NKAIN2: variants seen among roughly 807,000 people sequenced by gnomAD.
NKAIN2 encodes the protein sodium/potassium transporting ATPase interacting 2, also known as sodium/potassium-transporting ATPase subunit beta-1-interacting protein 2.
NKAIN2 carries 14 observed loss-of-function variants against 32.6 expected under a neutral mutation model. The ratio of observed to expected loss-of-function variants is 0.43; its 90% CI spans 0.28 to 0.67. The LOEUF (loss-of-function observed/expected upper bound fraction) is 0.67, where lower values mean the gene tolerates loss of function less well. NKAIN2 is among the 30% of genes least tolerant of loss of function. The probability of loss-of-function intolerance (pLI) is 0.17; values close to 1 mark genes in which losing one functional copy is unlikely to be tolerated. For missense variants in NKAIN2, 198 were observed against 258.3 expected (o/e 0.77, Z 1.60); for synonymous variants, 80 against 87.2 (o/e 0.92, Z 0.46).
At chr6:124,544,210 A>G (rs892126758) in intron 3 of NKAIN2, among the ~76,000 whole-genome samples, 1 of 152,070 alleles carries the variant, frequency 6.6e-6, no homozygotes, top group African/African-American at 2.4e-5. Context: ...CAGGGAGCCA[A>G]TCAGCTCCAA....
intron 3 of NKAIN2, among the ~76,000 whole-genome samples, chr6:124,512,923 G>A (rs772758829): frequency 6.6e-6 from 1 of 151,996 alleles, no homozygotes; most frequent in Non-Finnish European, 1.5e-5. Context: ...AAAATAGCAA[G>A]ACATTATATA....
intron 3 of NKAIN2, among the ~76,000 whole-genome samples, chr6:124,540,178 C>G (rs9320997): frequency 0.063 from 9,653 of 152,166 alleles, 827 homozygotes; most frequent in African/African-American, 0.2. Flanking sequence ...TATAAAGAAA[C>G]CAATTTAAGT....
intron 4 of NKAIN2, among the ~76,000 whole-genome samples, chr6:124,667,406 T>G (rs1308809049): frequency 2.0e-5 from 3 of 152,114 alleles, no homozygotes; most frequent in Non-Finnish European, 2.9e-5. Context: ...AATCATAAAA[T>G]TATTTCAGGA....
chr6:124,072,500 AAAAAG>A (rs1004989164), intron 1 of NKAIN2, among the ~76,000 whole-genome samples: 8 of 152,302 alleles, frequency 5.3e-5, no homozygotes, highest in African/African-American at 1.9e-4. Context: ...ATTAAAAAAT[AAAAAG>A]AAAAGAAATT....
chr6:124,118,932 G>C (rs1252004373), intron 1 of NKAIN2, among the ~76,000 whole-genome samples: 1 of 152,182 alleles, frequency 6.6e-6, no homozygotes, highest in African/African-American at 2.4e-5. Context: ...TAAGCAGTTA[G>C]ATGGTGAGCC....
intron 3 of NKAIN2, among the ~76,000 whole-genome samples, chr6:124,556,025 T>C (rs181403680): frequency 6.7e-6 from 1 of 148,898 alleles, no homozygotes; most frequent in Admixed American, 6.7e-5. Context: ...AAAAGCCACA[T>C]AAAAACTTCT....
intron 2 of NKAIN2, among the ~76,000 whole-genome samples, chr6:124,284,449 T>C (rs1390693439): frequency 6.6e-6 from 1 of 152,132 alleles, no homozygotes; most frequent in Non-Finnish European, 1.5e-5. Context: ...CATTAACTCA[T>C]AATGATTTAA....
intron 1 of NKAIN2, among the ~76,000 whole-genome samples, chr6:124,133,755 A>G (rs780304336): frequency 3.3e-5 from 5 of 152,196 alleles, no homozygotes; most frequent in African/African-American, 4.8e-5. Flanking sequence ...AGAAGACTCT[A>G]TAACTAAGGA....
intron 1 of NKAIN2, among the ~76,000 whole-genome samples, chr6:123,868,695 G>A (rs1399011954): frequency 6.6e-6 from 1 of 152,180 alleles, no homozygotes; most frequent in Non-Finnish European, 1.5e-5. Flanking sequence ...TAGGCAAAGA[G>A]AGAAAAGTTG....
At chr6:124,355,127 A>G in intron 2 of NKAIN2, 140 bp from the exon 3 acceptor site, 1 of 591,424 alleles carries the variant, frequency 1.7e-6, no homozygotes, top group South Asian at 2.3e-5. Context: ...ACGTACATCT[A>G]ATCCTGTTCC....
chr6:124,416,954 A>C (rs487242), intron 3 of NKAIN2, among the ~76,000 whole-genome samples: 24,601 of 152,114 alleles, frequency 0.16, 2,292 homozygotes, highest in East Asian at 0.24. Flanking sequence ...AAATGGTTTC[A>C]TGCATGCTTC....
At chr6:123,838,961 A>C (rs537269227) in intron 1 of NKAIN2, among the ~76,000 whole-genome samples, 2 of 152,294 alleles carry the variant, frequency 1.3e-5, no homozygotes, top group South Asian at 4.1e-4. Flanking sequence ...CTCTCTCACA[A>C]TTTAACCTGC....
At chr6:123,838,226 A>T (rs992591932) in intron 1 of NKAIN2, among the ~76,000 whole-genome samples, 3 of 152,200 alleles carry the variant, frequency 2.0e-5, no homozygotes, top group Non-Finnish European at 4.4e-5. Flanking sequence ...TGTTTTAATA[A>T]GTGAATAACC....
chr6:124,346,616 G>T (rs1189244719), intron 2 of NKAIN2, among the ~76,000 whole-genome samples: 1 of 151,710 alleles, frequency 6.6e-6, no homozygotes, highest in Non-Finnish European at 1.5e-5. Context: ...TTTGATCTTT[G>T]TTGGTTTAAA....
intron 1 of NKAIN2, among the ~76,000 whole-genome samples, chr6:123,916,846 C>T (rs1316859873): frequency 3.0e-5 from 3 of 101,444 alleles, no homozygotes; most frequent in Non-Finnish European, 4.1e-5. Context: ...TCTATCCTAC[C>T]TACCTACCTA....
intron 4 of NKAIN2, among the ~76,000 whole-genome samples, chr6:124,679,928 T>G (rs1415834767): frequency 6.6e-6 from 1 of 152,134 alleles, no homozygotes; most frequent in East Asian, 1.9e-4. Context: ...GAGTCTGAAA[T>G]TTAGGCAAAA....
chr6:123,882,920 A>G (rs545306984), intron 1 of NKAIN2, among the ~76,000 whole-genome samples: 5 of 152,342 alleles, frequency 3.3e-5, no homozygotes, highest in Non-Finnish European at 5.9e-5. Flanking sequence ...ACAATCAGCC[A>G]GAAACTAAGC....
intron 4 of NKAIN2, among the ~76,000 whole-genome samples, chr6:124,785,257 A>G (rs1269213946): frequency 1.3e-5 from 2 of 151,918 alleles, no homozygotes; most frequent in South Asian, 2.1e-4. Context: ...TTCCTTATAT[A>G]TTCTGTTTCT....
chr6:123,949,865 T>C (rs1777243029), intron 1 of NKAIN2, among the ~76,000 whole-genome samples: 1 of 152,052 alleles, frequency 6.6e-6, no homozygotes, highest in South Asian at 2.1e-4. Flanking sequence ...GTGGGCATGC[T>C]TATTTTGTTC....
Sources: gnomAD v4.1 joint callset for allele counts (sites outside exome capture counted in the v4.1 genomes callset) on GRCh38, gnomAD v4.1.1 for gene constraint, MANE v1.5 for transcripts, NCBI Gene and HGNC (gene_info 2026-07-23, HGNC 2026-07-21) for gene names.